The following GRAMD1C variants were observed in gnomAD, a reference collection of about 807,000 sequenced individuals.
GRAMD1C encodes protein Aster-C.
GRAMD1C carries 89 observed loss-of-function variants against 97.8 expected under a neutral mutation model. The ratio of observed to expected loss-of-function variants is 0.91; its 90% CI spans 0.77 to 1.09. The LOEUF (loss-of-function observed/expected upper bound fraction) is 1.09, where lower values mean the gene tolerates loss of function less well. GRAMD1C is among the 50% of genes least tolerant of loss of function. The pLI, the probability that GRAMD1C is intolerant of heterozygous loss-of-function variation, is 0.00. For missense variants in GRAMD1C, 740 were observed against 766.4 expected (o/e 0.97, Z 0.41); for synonymous variants, 256 against 267.0 (o/e 0.96, Z 0.40).
chr3:113,928,103 T>C (rs572246095), intron 10 of GRAMD1C, among the ~76,000 whole-genome samples: 7 of 152,276 alleles, frequency 4.6e-5, no homozygotes, highest in African/African-American at 1.7e-4. Flanking sequence ...TTTCCCATAT[T>C]GAGGAGCTTT....
At chr3:113,935,771 T>C (rs891670498) in intron 13 of GRAMD1C, among the ~76,000 whole-genome samples, 2 of 152,138 alleles carry the variant, frequency 1.3e-5, no homozygotes, top group African/African-American at 4.8e-5. Context: ...TAATAAAAAT[T>C]CTGGCAGAGG....
chr3:113,863,283 A>C (rs1300246345), intron 2 of GRAMD1C, among the ~76,000 whole-genome samples: 2 of 152,204 alleles, frequency 1.3e-5, no homozygotes, highest in Non-Finnish European at 2.9e-5. Flanking sequence ...TTCATGCTGC[A>C]ATATAGATGA....
chr3:113,869,357 CT>C (rs1343372349), intron 2 of GRAMD1C, 149 bp from the exon 3 acceptor site: 1 of 571,942 alleles, frequency 1.7e-6, no homozygotes, highest in Non-Finnish European at 3.1e-6. Context: ...GTCTTCTTTG[CT>C]TCTTTTTGGT....
intron 10 of GRAMD1C, among the ~76,000 whole-genome samples, chr3:113,928,782 G>A (rs78210772): frequency 0.15 from 22,100 of 152,176 alleles, 1,773 homozygotes; most frequent in Admixed American, 0.25. Context: ...GTTCATCCTC[G>A]TTGGGGCATG....
intron 10 of GRAMD1C, among the ~76,000 whole-genome samples, chr3:113,921,257 C>T (rs997311082): frequency 1.3e-5 from 2 of 152,220 alleles, no homozygotes; most frequent in East Asian, 3.8e-4. Flanking sequence ...TTTTTTATGA[C>T]TGCATACTAT....
chr3:113,851,136 G>A (rs887195039), intron 2 of GRAMD1C, among the ~76,000 whole-genome samples: 2 of 152,116 alleles, frequency 1.3e-5, no homozygotes, highest in Non-Finnish European at 2.9e-5. Context: ...GCTAATCATT[G>A]TATTTTTAAA....
chr3:113,832,039 G>GTTTTTTTTTTTTTTTTTTTTTTTTT (rs113465428), intron 1 of GRAMD1C, among the ~76,000 whole-genome samples: 1 of 149,420 alleles, frequency 6.7e-6, no homozygotes, highest in African/African-American at 2.5e-5. Context: ...CAGCAACTTT[G>GTTTTTTTTTTTTTTTTTTTTTTTTT]TTTTTTTTGA....
At position 113,833,382 on chromosome 3, in the gene GRAMD1C, C is replaced by A. The variant is rs543379273; in HGVS notation, n.98+5103C>A. ...CGAACTCCCAACCTCAGGTGATCTG[C>A]CCCCTCAGCCTTCCAAAGTGCTGAG... On this transcript the variant is annotated intron_variant and non_coding_transcript_variant, in intron 1 of 18. Coordinates refer to the GRAMD1C transcript ENST00000479212. 1.2e-3 allele frequency among the ~76,000 whole-genome samples: 188 copies of A among 152,052 alleles called. 1 individual carries two copies. Among genetic ancestry groups the A allele is most frequent in the Non-Finnish European group, 2.1e-3 (143 of 67,996 alleles).
upstream of GRAMD1C, among the ~76,000 whole-genome samples, chr3:113,837,113 CCTCT>C (rs1171471223): frequency 1.3e-5 from 2 of 150,158 alleles, no homozygotes; most frequent in Admixed American, 6.7e-5. Context: ...TCCTTCCTTC[CCTCT>C]CTCTCTCTTT....
At chr3:113,859,196 A>G (rs1279468529) in intron 2 of GRAMD1C, among the ~76,000 whole-genome samples, 2 of 151,782 alleles carry the variant, frequency 1.3e-5, no homozygotes, top group Non-Finnish European at 2.9e-5. Flanking sequence ...CTTTTTTTCT[A>G]ATGTGGGCAT....
At chr3:113,876,333 G>A in intron 5 of GRAMD1C, 73 bp downstream of exon 5, 1 of 759,232 alleles carries the variant, frequency 1.3e-6, no homozygotes, top group Non-Finnish European at 2.3e-6. Context: ...ATCAATGTTG[G>A]GAAATTAGGC....
chr3:113,872,416 A>G (rs1349161211), intron 3 of GRAMD1C, among the ~76,000 whole-genome samples: 3 of 114,796 alleles, frequency 2.6e-5, no homozygotes, highest in African/African-American at 1.1e-4. Flanking sequence ...TTTTTTTGAG[A>G]TAGAGTCTCG....
intron 6 of GRAMD1C, chr3:113,890,542 C>T: frequency 2.0e-6 from 1 of 511,298 alleles, no homozygotes; most frequent in Non-Finnish European, 3.4e-6. Context: ...GATTCATTGT[C>T]ATTACCGTGG....
chr3:113,874,252 A>G (rs1934939961), intron 3 of GRAMD1C, among the ~76,000 whole-genome samples: 1 of 152,206 alleles, frequency 6.6e-6, no homozygotes, highest in African/African-American at 2.4e-5. Context: ...TTAGCAGTAC[A>G]GTTTACATTC....
At chr3:113,939,773 A>G (rs753342555) in intron 15 of GRAMD1C, 113 bp from the exon 16 acceptor site, 83 of 592,118 alleles carry the variant, frequency 1.4e-4, no homozygotes, top group Non-Finnish European at 2.4e-4. Flanking sequence ...AATAACAACA[A>G]TGAAAAACAG....
At chr3:113,920,153 T>A in intron 10 of GRAMD1C, 1 of 1,416,584 alleles carries the variant, frequency 7.1e-7, no homozygotes, top group Non-Finnish European at 9.8e-7. Context: ...TCACCAGTGA[T>A]TTGAATCTCC....
chr3:113,869,340 G>A (rs889412870), intron 2 of GRAMD1C, among the ~76,000 whole-genome samples, 167 bp from the exon 3 acceptor site: 1 of 152,030 alleles, frequency 6.6e-6, no homozygotes, highest in Admixed American at 6.6e-5. Flanking sequence ...ATCTCATCAT[G>A]CTGGAAGTCT....
chr3:113,871,137 T>A (rs949212065), intron 3 of GRAMD1C, among the ~76,000 whole-genome samples: 2 of 152,050 alleles, frequency 1.3e-5, no homozygotes, highest in African/African-American at 4.8e-5. Flanking sequence ...TATATTTACC[T>A]CCAGAAAAAT....
At chr3:113,911,979 G>A (rs1226495477) in intron 9 of GRAMD1C, among the ~76,000 whole-genome samples, 4 of 151,890 alleles carry the variant, frequency 2.6e-5, no homozygotes, top group South Asian at 2.1e-4. Context: ...AGCCCGCCTC[G>A]GCCTCCCAAA....
Sources: gnomAD v4.1 joint callset for allele counts (sites outside exome capture counted in the v4.1 genomes callset) on GRCh38, gnomAD v4.1.1 for gene constraint, MANE v1.5 for transcripts, NCBI Gene and HGNC (gene_info 2026-07-23, HGNC 2026-07-21) for gene names.